The following RAI14 variants were observed in gnomAD, a reference collection of about 807,000 sequenced individuals.
RAI14 encodes ankycorbin.
A neutral mutation model predicts 115.4 loss-of-function variants in RAI14; 45 were observed. That is an observed-to-expected ratio of 0.39 (90% CI 0.31 to 0.50). The LOEUF (loss-of-function observed/expected upper bound fraction) is 0.50. Among genes scored for constraint, RAI14 ranks in the 20% least tolerant of loss-of-function variants. The probability of loss-of-function intolerance (pLI) is 0.85; values close to 1 mark genes in which losing one functional copy is unlikely to be tolerated. For synonymous variants in RAI14, 371 were observed against 415.4 expected, an observed-to-expected ratio of 0.89 and a Z score of 1.30; for missense variants, 939 against 1,131.2, an observed-to-expected ratio of 0.83 and a Z score of 2.44.
chr5:34,717,494 T>TG (rs1286137758), intron 2 of RAI14, among the ~76,000 whole-genome samples: 1 of 152,228 alleles, frequency 6.6e-6, no homozygotes, highest in African/African-American at 2.4e-5. Flanking sequence ...TTGCCCATTT[T>TG]GGGCGGGGGG....
intron 2 of RAI14, among the ~76,000 whole-genome samples, chr5:34,745,362 A>G (rs371625338): frequency 1.3e-5 from 2 of 152,074 alleles, no homozygotes; most frequent in Non-Finnish European, 2.9e-5. Flanking sequence ...GGCCACCCTC[A>G]TCTCATGCTT....
chr5:34,811,203 G>T, intron 8 of RAI14, 85 bp downstream of exon 8: 1 of 1,427,352 alleles, frequency 7.0e-7, no homozygotes. Context: ...CTATATTTTG[G>T]ATCATTTGTT....
At chr5:34,727,044 C>T (rs1743556489) in intron 2 of RAI14, among the ~76,000 whole-genome samples, 1 of 152,144 alleles carries the variant, frequency 6.6e-6, no homozygotes. Flanking sequence ...CAGAAGAAGA[C>T]AGGAAGATGT....
chr5:34,805,430 C>A (rs557808777), intron 5 of RAI14, among the ~76,000 whole-genome samples: 8 of 152,334 alleles, frequency 5.3e-5, no homozygotes, highest in African/African-American at 1.9e-4. Context: ...GCTCTCCAGG[C>A]TTTTGCTCTT....
intron 3 of RAI14, among the ~76,000 whole-genome samples, chr5:34,777,866 G>A (rs1751069828): frequency 1.5e-5 from 2 of 129,780 alleles, no homozygotes; most frequent in South Asian, 2.4e-4. Context: ...GGTGTGTGGT[G>A]TGTGTGGGGG....
chr5:34,720,489 G>C (rs1009964969), intron 2 of RAI14, among the ~76,000 whole-genome samples: 7 of 144,048 alleles, frequency 4.9e-5, no homozygotes, highest in Non-Finnish European at 9.0e-5. Flanking sequence ...CGGCTCACTG[G>C]AAGCTCCACC....
At chr5:34,740,338 A>G (rs1172361551) in intron 2 of RAI14, among the ~76,000 whole-genome samples, 2 of 152,206 alleles carry the variant, frequency 1.3e-5, no homozygotes, top group Non-Finnish European at 2.9e-5. Context: ...CACACGCTAG[A>G]GTTCCAGTAT....
chr5:34,831,115 C>T lies in RAI14; in HGVS notation c.*350C>T. 1 of 224,702 alleles carries T rather than the reference C, an allele frequency of 4.5e-6. No individual in the cohort carries two copies. Among genetic ancestry groups the T allele is most frequent in the Non-Finnish European group, 8.9e-6 (1 of 112,396 alleles). 13.9% of individuals were successfully genotyped at this position (224,702 alleles called of 1,614,324 possible). A position where few individuals can be genotyped will look rare whatever the true frequency, so the allele number is the denominator to read the frequency against. On this transcript the variant is annotated 3_prime_UTR_variant, in exon 18 of 18. Coordinates refer to ENST00000265109, the MANE Select transcript of RAI14 (RefSeq NM_015577.3). ...CCACCGAGTGATGTGCTGAGGCCTC[C>T]TGCAGTGAATGCTCCTTCCATTCCT...
intron 2 of RAI14, among the ~76,000 whole-genome samples, chr5:34,734,404 T>C (rs912087770): frequency 3.9e-5 from 6 of 152,194 alleles, no homozygotes; most frequent in African/African-American, 1.2e-4. Flanking sequence ...ATGACCCCCC[T>C]CTTTCTGAAG....
chr5:34,827,857 C>CA lies in RAI14; in HGVS notation c.2799+1378_2799+1379insA, dbSNP rs539331122. ...TCCCTGCCCTCAAGGAGTTTATACTCTATATAAGTTATCAGCAAAGAGATG... is the reference window on the plus strand; with the variant it reads ...TCCCTGCCCTCAAGGAGTTTATACTCATATATAAGTTATCAGCAAAGAGATG... On this transcript the variant is annotated intron_variant, in intron 16 of 17. Coordinates refer to ENST00000265109, the MANE Select transcript of RAI14 (RefSeq NM_015577.3). The surrounding 1 kb of genome is among the most constrained non-coding windows in gnomAD (Gnocchi z 4.2). 4.6e-4 allele frequency among the ~76,000 whole-genome samples: 70 copies of CA among 152,260 alleles called. No homozygotes were observed. The highest frequency in any genetic ancestry group is 8.1e-4 in the Non-Finnish European group (55 of 68,020).
At chr5:34,708,475 T>A (rs914053662) in intron 2 of RAI14, among the ~76,000 whole-genome samples, 1 of 152,228 alleles carries the variant, frequency 6.6e-6, no homozygotes, top group African/African-American at 2.4e-5. Flanking sequence ...GTGCTGGGAT[T>A]ACAGGCGTGA....
chr5:34,810,899 T>G, intron 7 of RAI14, 113 bp from the exon 8 acceptor site: 1 of 1,503,456 alleles, frequency 6.7e-7, no homozygotes, highest in South Asian at 1.3e-5. Flanking sequence ...AGATACTAGA[T>G]CAGCAGTCAG....
chr5:34,680,872 T>A (rs1744335521), intron 1 of RAI14, among the ~76,000 whole-genome samples: 1 of 152,212 alleles, frequency 6.6e-6, no homozygotes, highest in African/African-American at 2.4e-5. Context: ...CCTCAGTTAG[T>A]TTGGAGTCCT....
At chr5:34,673,401 G>C (rs952007219) in intron 1 of RAI14, among the ~76,000 whole-genome samples, 2 of 152,192 alleles carry the variant, frequency 1.3e-5, no homozygotes, top group Non-Finnish European at 2.9e-5. Context: ...AGATTCAAAG[G>C]GGACATTGTA....
intron 2 of RAI14, among the ~76,000 whole-genome samples, chr5:34,740,332 C>T (rs938872257): frequency 2.6e-5 from 4 of 152,284 alleles, no homozygotes; most frequent in South Asian, 2.1e-4. Context: ...CAAGACCACA[C>T]GCTAGAGTTC....
chr5:34,736,354 C>T (rs1392091413), intron 2 of RAI14, among the ~76,000 whole-genome samples: 1 of 152,060 alleles, frequency 6.6e-6, no homozygotes, highest in Non-Finnish European at 1.5e-5. Flanking sequence ...GAGCCGAGAT[C>T]GCTCCACCAG....
At chr5:34,726,958 C>G (rs568298210) in intron 2 of RAI14, among the ~76,000 whole-genome samples, 1 of 152,250 alleles carries the variant, frequency 6.6e-6, no homozygotes, top group African/African-American at 2.4e-5. Flanking sequence ...TGAGGTACAG[C>G]TGTAAAGATA....
At chr5:34,713,628 G>C (rs1023575135) in intron 2 of RAI14, among the ~76,000 whole-genome samples, 2 of 152,066 alleles carry the variant, frequency 1.3e-5, no homozygotes, top group Non-Finnish European at 2.9e-5. Context: ...TTGAACTCTT[G>C]GTCTCAATTG....
chr5:34,719,766 G>A (rs1742438216), intron 2 of RAI14, among the ~76,000 whole-genome samples: 1 of 152,176 alleles, frequency 6.6e-6, no homozygotes, highest in South Asian at 2.1e-4. Flanking sequence ...GTCAGTAACT[G>A]AACTCTGCGC....
Sources: gnomAD v4.1 joint callset for allele counts (sites outside exome capture counted in the v4.1 genomes callset) on GRCh38, gnomAD v4.1.1 for gene constraint, Gnocchi (gnomAD v3.1) non-coding constraint, MANE v1.5 for transcripts, NCBI Gene and HGNC (gene_info 2026-07-23, HGNC 2026-07-21) for gene names.